The following SMYD3 variants were observed in gnomAD, a reference collection of about 807,000 sequenced individuals.
SMYD3 encodes the protein SET and MYND domain containing 3.
SMYD3 carries 36 observed loss-of-function variants against 57.7 expected under a neutral mutation model. The observed-to-expected ratio is 0.62, with a 90% CI of 0.48 to 0.82. The LOEUF (loss-of-function observed/expected upper bound fraction) is 0.82. Ranked by LOEUF, SMYD3 falls within the 40% of genes least tolerant of loss-of-function variation. The pLI, the probability that SMYD3 is intolerant of heterozygous loss-of-function variation, is 0.00. For missense variants in SMYD3, 515 were observed against 538.8 expected, an observed-to-expected ratio of 0.96 and a Z score of 0.44; for synonymous variants, 211 against 195.0, an observed-to-expected ratio of 1.08 and a Z score of -0.68.
At chr1:246,032,500 A>G (rs2059696089) in intron 5 of SMYD3, among the ~76,000 whole-genome samples, 2 of 152,218 alleles carry the variant, frequency 1.3e-5, no homozygotes, top group Non-Finnish European at 2.9e-5. Context: ...AACGGGATGG[A>G]GAGCTCATAT....
At chr1:246,119,633 G>A (rs764200973) in intron 5 of SMYD3, among the ~76,000 whole-genome samples, 45 of 150,744 alleles carry the variant, frequency 3.0e-4, no homozygotes, top group Non-Finnish European at 4.7e-4. Flanking sequence ...GGCTGATCTC[G>A]AACTCCTGAC....
At chr1:246,409,050 G>C (rs1021399634) in intron 1 of SMYD3, among the ~76,000 whole-genome samples, 5 of 151,918 alleles carry the variant, frequency 3.3e-5, no homozygotes, top group Non-Finnish European at 7.4e-5. Context: ...AAATTTGTTT[G>C]AGTTCATTGT....
At position 246,504,657 on chromosome 1, in the gene SMYD3, T is replaced by C. The variant is rs961410428; in HGVS notation, c.164+2397A>G. On this transcript the variant is annotated intron_variant, in intron 1 of 11. Transcript: ENST00000490107. ...ACTGTTAATTGCTACAAACTAACAT[T>C]TTCATTCCATACTTAATTCAGATGG... 1.1e-4 allele frequency among the ~76,000 whole-genome samples: 17 copies of C among 152,168 alleles called. No individual in the cohort carries two copies. The East Asian group carries it at 3.1e-3, about 27-fold the overall frequency.
At chr1:245,881,757 G>A (rs2052790566) in intron 8 of SMYD3, among the ~76,000 whole-genome samples, 1 of 152,204 alleles carries the variant, frequency 6.6e-6, no homozygotes, top group South Asian at 2.1e-4. Flanking sequence ...AGCAGCACCT[G>A]ATTTTCATAG....
At chr1:245,979,533 G>A (rs556822064) in intron 5 of SMYD3, among the ~76,000 whole-genome samples, 4 of 152,238 alleles carry the variant, frequency 2.6e-5, no homozygotes, top group African/African-American at 9.6e-5. Context: ...GCAGAGACTG[G>A]GGTGATGCAG....
chr1:246,094,374 G>C (rs1279641633), intron 5 of SMYD3, among the ~76,000 whole-genome samples: 1 of 152,256 alleles, frequency 6.6e-6, no homozygotes, highest in East Asian at 1.9e-4. Context: ...ACCCTAGGAG[G>C]GCTCTGATAG....
Position 246,281,420 on chromosome 1 carries a change from A to C in SMYD3, c.531+45781T>G, listed in dbSNP as rs150117781. On this transcript the variant is annotated intron_variant, in intron 5 of 11. Coordinates refer to ENST00000490107, the MANE Select transcript of SMYD3 (RefSeq NM_001167740.2). ...CACTATCACATTTACCCTACTCAGT[A>C]ACTCTGTGAGATAGGTGATTTTATG... 8.5e-5 allele frequency among the ~76,000 whole-genome samples: 13 copies of C among 152,344 alleles called. No individual in the cohort carries two copies. The East Asian group carries it at 2.3e-3, about 27-fold the overall frequency.
intron 5 of SMYD3, among the ~76,000 whole-genome samples, chr1:246,187,157 C>T (rs1481212149): frequency 3.3e-5 from 5 of 152,120 alleles, no homozygotes; most frequent in Non-Finnish European, 7.4e-5. Flanking sequence ...GGTGCGGTGG[C>T]GCACGCCTAT....
chr1:246,094,278 G>A (rs1261802573), intron 5 of SMYD3, among the ~76,000 whole-genome samples: 4 of 152,184 alleles, frequency 2.6e-5, no homozygotes, highest in Admixed American at 1.3e-4. Flanking sequence ...GCCAGGTCCT[G>A]TGCCGGGGAC....
Position 246,422,698 on chromosome 1 carries a change from A to C in SMYD3, c.165-67604T>G, listed in dbSNP as rs1041938921. Reference sequence around the variant, plus strand: ...GAGCCTCCCAAAGTGCTGGGATTACAGGCGTGAGCCACTGCACCTGGTTTA... The same window carrying C: ...GAGCCTCCCAAAGTGCTGGGATTACCGGCGTGAGCCACTGCACCTGGTTTA... On this transcript the variant is annotated intron_variant, in intron 1 of 11. Coordinates refer to ENST00000490107, the MANE Select transcript of SMYD3 (RefSeq NM_001167740.2). Among the ~76,000 whole-genome samples the C allele has an allele frequency of 1.1e-3, 170 of 152,336 alleles. 2 individuals are homozygous for C. Among genetic ancestry groups the C allele is most frequent in the Non-Finnish European group, 2.8e-4 (19 of 68,036 alleles).
chr1:246,205,527 A>T (rs897591076), intron 5 of SMYD3, among the ~76,000 whole-genome samples: 1 of 152,260 alleles, frequency 6.6e-6, no homozygotes, highest in Admixed American at 6.5e-5. Flanking sequence ...CTAGATTAAA[A>T]GTTCCCAGTT....
chr1:246,412,357 G>A (rs1283577026), intron 1 of SMYD3, among the ~76,000 whole-genome samples: 2 of 152,054 alleles, frequency 1.3e-5, no homozygotes, highest in African/African-American at 4.8e-5. Flanking sequence ...AGACAAAACT[G>A]CATTGCCTAA....
chr1:245,769,230 C>T (rs1196423515), intron 10 of SMYD3, among the ~76,000 whole-genome samples: 1 of 152,180 alleles, frequency 6.6e-6, no homozygotes, highest in African/African-American at 2.4e-5. Flanking sequence ...TAACTTGTCA[C>T]CATCTAAATC....
chr1:245,962,127 G>C (rs533344969), intron 5 of SMYD3, among the ~76,000 whole-genome samples: 1 of 152,282 alleles, frequency 6.6e-6, no homozygotes, highest in South Asian at 2.1e-4. Context: ...TACATGTGAG[G>C]TTTCCCACCA....
chr1:245,899,356 G>C (rs1036879505), intron 8 of SMYD3, among the ~76,000 whole-genome samples: 9 of 152,058 alleles, frequency 5.9e-5, no homozygotes, highest in Non-Finnish European at 1.2e-4. Flanking sequence ...TGAAAAATTA[G>C]TTGCAAACTA....
At chr1:246,252,314 G>A (rs1319669788) in intron 5 of SMYD3, among the ~76,000 whole-genome samples, 1 of 151,756 alleles carries the variant, frequency 6.6e-6, no homozygotes, top group African/African-American at 2.4e-5. Flanking sequence ...TCTGAATGGC[G>A]TATACACAAT....
At chr1:246,258,693 G>T (rs1399880482) in intron 5 of SMYD3, among the ~76,000 whole-genome samples, 1 of 152,108 alleles carries the variant, frequency 6.6e-6, no homozygotes, top group Non-Finnish European at 1.5e-5. Flanking sequence ...GTGACTATAT[G>T]ACTTAGTGAT....
chr1:246,230,356 T>C (rs1233828453), intron 5 of SMYD3, among the ~76,000 whole-genome samples: 2 of 152,160 alleles, frequency 1.3e-5, no homozygotes, highest in Non-Finnish European at 2.9e-5. Flanking sequence ...AAAGATTTAG[T>C]TTGCATAAAC....
chr1:245,850,663 T>C lies in SMYD3; in HGVS notation c.1076+7833A>G, dbSNP rs185489983. Among the ~76,000 whole-genome samples the C allele has an allele frequency of 3.2e-3, 491 of 152,266 alleles. 2 individuals carry two copies. The highest frequency in any genetic ancestry group is 0.011 in the African/African-American group (472 of 41,544). On this transcript the variant is annotated intron_variant, in intron 10 of 11. Coordinates refer to ENST00000490107, the MANE Select transcript of SMYD3 (RefSeq NM_001167740.2). ...CTGCAGTGAGAAGTGTTTGCACCAC[T>C]ACACTCCAGCCTGGACAACAGAGCA...
Sources: gnomAD v4.1 joint callset for allele counts (sites outside exome capture counted in the v4.1 genomes callset) on GRCh38, gnomAD v4.1.1 for gene constraint, MANE v1.5 for transcripts, NCBI Gene and HGNC (gene_info 2026-07-23, HGNC 2026-07-21) for gene names.